GNAL: variants seen among roughly 807,000 people sequenced by gnomAD.
GNAL encodes the protein guanine nucleotide-binding protein G(olf) subunit alpha.
A neutral mutation model predicts 55.1 loss-of-function variants in GNAL; 18 were observed. The ratio of observed to expected loss-of-function variants is 0.33; its 90% CI spans 0.23 to 0.48. The LOEUF (loss-of-function observed/expected upper bound fraction) is 0.48, where lower values mean the gene tolerates loss of function less well. Among genes scored for constraint, GNAL ranks in the 20% least tolerant of loss-of-function variants. GNAL has a pLI of 0.99. For synonymous variants in GNAL, 253 were observed against 237.0 expected, an observed-to-expected ratio of 1.07 and a Z score of -0.62; for missense variants, 412 against 614.1, an observed-to-expected ratio of 0.67 and a Z score of 3.48.
intron 1 of GNAL, among the ~76,000 whole-genome samples, chr18:11,710,441 TATCAAC>T (rs2031808515): frequency 6.6e-6 from 1 of 152,240 alleles, no homozygotes; most frequent in Non-Finnish European, 1.5e-5. Context: ...ATTATTTACA[TATCAAC>T]ATTACAGTAT....
intron 5 of GNAL, among the ~76,000 whole-genome samples, chr18:11,834,418 A>G (rs2035455578): frequency 6.6e-6 from 1 of 152,204 alleles, no homozygotes; most frequent in Non-Finnish European, 1.5e-5. Flanking sequence ...GAAAAGGAGA[A>G]TCATAAGAAA....
intron 5 of GNAL, among the ~76,000 whole-genome samples, chr18:11,854,862 C>T (rs530510431): frequency 1.3e-4 from 20 of 152,234 alleles, no homozygotes; most frequent in African/African-American, 4.1e-4. Flanking sequence ...TCAGTCTTAG[C>T]ACTTAAATTT....
intron 7 of GNAL, among the ~76,000 whole-genome samples, chr18:11,865,304 C>A (rs787557): frequency 0.64 from 95,271 of 148,928 alleles, 33,857 homozygotes; most frequent in East Asian, 0.9. Context: ...CGTCCCCAGG[C>A]CTGCTTTGTC....
chr18:11,874,083 C>T (rs910436736), intron 10 of GNAL: 3 of 152,466 alleles, frequency 2.0e-5, no homozygotes, highest in African/African-American at 7.2e-5. Context: ...CACTGGCTGA[C>T]AGCCAAGGCC....
chr18:11,788,626 C>T (rs1193168221), intron 4 of GNAL, among the ~76,000 whole-genome samples: 1 of 151,930 alleles, frequency 6.6e-6, no homozygotes, highest in Non-Finnish European at 1.5e-5. Flanking sequence ...AATACCAGCA[C>T]TTTGGAAGAC....
intron 1 of GNAL, among the ~76,000 whole-genome samples, chr18:11,701,835 T>C (rs2031579885): frequency 6.6e-6 from 1 of 152,116 alleles, no homozygotes; most frequent in African/African-American, 2.4e-5. Context: ...GCTCCTTTTA[T>C]CTCCAGCCAT....
intron 1 of GNAL, among the ~76,000 whole-genome samples, chr18:11,723,758 T>A (rs9963475): frequency 0.03 from 4,523 of 152,258 alleles, 203 homozygotes; most frequent in African/African-American, 0.096. Flanking sequence ...TCTTCTGTCC[T>A]CGGGCCCTGG....
intron 5 of GNAL, among the ~76,000 whole-genome samples, chr18:11,861,849 GCA>G (rs1304548574): frequency 6.6e-6 from 1 of 151,924 alleles, no homozygotes; most frequent in Non-Finnish European, 1.5e-5. Context: ...TCTCGCTCTC[GCA>G]CACTTTCCGC....
intron 4 of GNAL, among the ~76,000 whole-genome samples, chr18:11,803,482 G>T (rs2034571413): frequency 6.6e-6 from 1 of 152,206 alleles, no homozygotes; most frequent in Admixed American, 6.5e-5. Flanking sequence ...TGGACACTTG[G>T]ATTGTAGCAT....
intron 4 of GNAL, among the ~76,000 whole-genome samples, chr18:11,796,808 A>G (rs2034401830): frequency 6.6e-6 from 1 of 152,204 alleles, no homozygotes; most frequent in Admixed American, 6.5e-5. Context: ...TTTAATGGCT[A>G]TGTAGCATTC....
At chr18:11,839,727 G>A (rs1052224856) in intron 5 of GNAL, among the ~76,000 whole-genome samples, 9 of 152,074 alleles carry the variant, frequency 5.9e-5, no homozygotes, top group South Asian at 4.1e-4. Context: ...TGATTCCACC[G>A]CAAAAAGGAA....
chr18:11,780,070 A>G (rs948819476), intron 4 of GNAL, among the ~76,000 whole-genome samples: 2 of 152,204 alleles, frequency 1.3e-5, no homozygotes, highest in Non-Finnish European at 2.9e-5. Flanking sequence ...TTTTGGCTTT[A>G]TATTCTTACT....
At chr18:11,864,074 T>G (rs1313343445) in intron 6 of GNAL, among the ~76,000 whole-genome samples, 1 of 151,048 alleles carries the variant, frequency 6.6e-6, no homozygotes, top group African/African-American at 2.5e-5. Flanking sequence ...ACAGAGAACA[T>G]TCGTCTGAGT....
At chr18:11,806,238 C>T (rs1480122908) in intron 4 of GNAL, among the ~76,000 whole-genome samples, 1 of 152,108 alleles carries the variant, frequency 6.6e-6, no homozygotes, top group Middle Eastern at 3.2e-3. Flanking sequence ...AAATTCTGGA[C>T]ATAGTCCCCT....
At chr18:11,859,815 G>A (rs1389385113) in intron 5 of GNAL, among the ~76,000 whole-genome samples, 1 of 150,380 alleles carries the variant, frequency 6.6e-6, no homozygotes, top group African/African-American at 2.5e-5. Flanking sequence ...GTGTGATCTC[G>A]GCTCACTACA....
At chr18:11,783,091 A>C (rs2143369185) in intron 4 of GNAL, among the ~76,000 whole-genome samples, 1 of 152,356 alleles carries the variant, frequency 6.6e-6, no homozygotes, top group South Asian at 2.1e-4. Flanking sequence ...GCATTCTGGC[A>C]GTTGTTCTTT....
chr18:11,689,897 C>CAGA lies in GNAL; in HGVS notation c.337_339dup (p.Lys113dup). On this transcript the variant is annotated inframe_insertion, in exon 1 of 12. Coordinates refer to ENST00000334049, the MANE Select transcript of GNAL (RefSeq NM_182978.4). The stretch of plus-strand genomic sequence containing the variant: ...GGGCATCGACCGCATGCTGCGCGAC[C>CAGA]AGAAGCGCGACCTGCAGCAGACGCA... 3 of 1,478,220 alleles carry CAGA rather than the reference C, an allele frequency of 2.0e-6. 1 individual carries two copies. In the South Asian group the frequency reaches 3.9e-5, roughly 19 times the overall value. 91.6% of individuals were successfully genotyped at this position (1,478,220 alleles called of 1,614,324 possible). A position where few individuals can be genotyped will look rare whatever the true frequency, so the allele number is the denominator to read the frequency against.
intron 1 of GNAL, among the ~76,000 whole-genome samples, chr18:11,733,016 A>C (rs369964182): frequency 6.6e-6 from 1 of 152,256 alleles, no homozygotes; most frequent in African/African-American, 2.4e-5. Flanking sequence ...CAGCAAGGAA[A>C]GAAGAAATAA....
At chr18:11,837,067 C>G (rs1231412586) in intron 5 of GNAL, among the ~76,000 whole-genome samples, 1 of 152,204 alleles carries the variant, frequency 6.6e-6, no homozygotes, top group African/African-American at 2.4e-5. Context: ...TATTCTCCTG[C>G]CTCAGCCTGC....
Sources: gnomAD v4.1 joint callset for allele counts (sites outside exome capture counted in the v4.1 genomes callset) on GRCh38, gnomAD v4.1.1 for gene constraint, MANE v1.5 for transcripts, NCBI Gene and HGNC (gene_info 2026-07-23, HGNC 2026-07-21) for gene names.